Variants in GPC6 observed in about 807,000 individuals in gnomAD.
The protein encoded by GPC6 is glypican-6.
Under a neutral mutation model 55.2 loss-of-function variants are expected in GPC6, and 14 were observed. The ratio of observed to expected loss-of-function variants is 0.25; its 90% CI spans 0.17 to 0.40. The LOEUF is 0.40. Among genes scored for constraint, GPC6 ranks in the 10% least tolerant of loss-of-function variants. GPC6 has a pLI of 1.00. For synonymous variants in GPC6, 278 were observed against 259.6 expected (o/e 1.07, Z -0.68); for missense variants, 641 against 708.5 (o/e 0.90, Z 1.08).
At chr13:94,378,799 T>A (rs1880021800) in intron 6 of GPC6, among the ~76,000 whole-genome samples, 1 of 152,244 alleles carries the variant, frequency 6.6e-6, no homozygotes, top group African/African-American at 2.4e-5. Flanking sequence ...ACAGCATTAC[T>A]AATACAATAT....
intron 4 of GPC6, among the ~76,000 whole-genome samples, chr13:94,256,470 A>G (rs1378798333): frequency 4.6e-5 from 7 of 152,192 alleles, no homozygotes; most frequent in African/African-American, 1.7e-4. Context: ...GAACAGACCA[A>G]GAGCAAGGAG....
In GPC6 at chr13:93,334,349, A is replaced by G. The variant is rs530196035; in HGVS notation, c.160+106733A>G. On this transcript the variant is annotated intron_variant, in intron 1 of 8. Transcript: ENST00000377047. ...GGCCCTTTACTCTTCAATATACATC[A>G]TAGAATTGACTAATCAAAGTCCAAG... is the stretch of plus-strand genomic sequence containing the variant. 2.6e-5 allele frequency among the ~76,000 whole-genome samples: 4 copies of G among 152,230 alleles called. No individual in the cohort carries two copies. In the East Asian group the frequency reaches 7.7e-4, roughly 29 times the overall value.
At chr13:94,126,463 C>A (rs1391538590) in intron 4 of GPC6, among the ~76,000 whole-genome samples, 1 of 152,042 alleles carries the variant, frequency 6.6e-6, no homozygotes, top group Admixed American at 6.6e-5. Context: ...ACAGTACAAG[C>A]CTTTGTAAAA....
intron 2 of GPC6, among the ~76,000 whole-genome samples, chr13:93,716,278 C>T (rs1883253446): frequency 1.3e-5 from 2 of 151,548 alleles, no homozygotes; most frequent in Admixed American, 1.3e-4. Flanking sequence ...ATAAAAGTTA[C>T]TTGTGAAGCA....
At chr13:93,957,984 A>G (rs1482629056) in intron 3 of GPC6, among the ~76,000 whole-genome samples, 3 of 152,078 alleles carry the variant, frequency 2.0e-5, no homozygotes, top group Non-Finnish European at 2.9e-5. Context: ...CCATTTTTCC[A>G]TATGTTTGTT....
chr13:93,926,319 A>C (rs2140350049), intron 3 of GPC6, among the ~76,000 whole-genome samples: 1 of 152,208 alleles, frequency 6.6e-6, no homozygotes, highest in South Asian at 2.1e-4. Context: ...CCACACATAA[A>C]CCATTTATCT....
At chr13:93,249,113 A>G (rs759500475) in intron 1 of GPC6, among the ~76,000 whole-genome samples, 1 of 152,196 alleles carries the variant, frequency 6.6e-6, no homozygotes, top group Non-Finnish European at 1.5e-5. Flanking sequence ...TTTCAGATAA[A>G]TAGAAAGTAT....
intron 2 of GPC6, among the ~76,000 whole-genome samples, chr13:93,642,146 C>T (rs1879976551): frequency 6.6e-6 from 1 of 152,026 alleles, no homozygotes; most frequent in Non-Finnish European, 1.5e-5. Context: ...GCTCTTGCCT[C>T]CCTCCTTCTC....
chr13:93,788,518 T>TACACACACAC (rs71203703), intron 2 of GPC6, among the ~76,000 whole-genome samples: 38,144 of 147,738 alleles, frequency 0.26, 5,368 homozygotes, highest in East Asian at 0.37. Context: ...GTTCACTCTT[T>TACACACACAC]ACACACACAC....
chr13:94,085,120 G>A (rs985062781), intron 4 of GPC6, among the ~76,000 whole-genome samples: 4 of 151,740 alleles, frequency 2.6e-5, no homozygotes, highest in African/African-American at 9.7e-5. Context: ...TCAGGAGTTC[G>A]AGACCAGCCT....
chr13:94,295,173 T>C (rs146992933), intron 5 of GPC6, among the ~76,000 whole-genome samples: 1 of 152,116 alleles, frequency 6.6e-6, no homozygotes, highest in African/African-American at 2.4e-5. Flanking sequence ...TGTTGTGTGA[T>C]TTGGGGCAAA....
chr13:93,830,625 A>G (rs763832711), intron 3 of GPC6, 80 bp downstream of exon 3: 2 of 1,239,168 alleles, frequency 1.6e-6, no homozygotes, highest in East Asian at 5.1e-5. Context: ...AAAAAAAAAA[A>G]AAAAAAAAAA....
intron 2 of GPC6, among the ~76,000 whole-genome samples, chr13:93,658,132 A>G (rs1880764698): frequency 6.6e-6 from 1 of 151,980 alleles, no homozygotes; most frequent in African/African-American, 2.4e-5. Context: ...AAATATAATC[A>G]CTTTTACATT....
At chr13:94,037,663 A>T (rs1033180831) in intron 4 of GPC6, among the ~76,000 whole-genome samples, 2 of 151,952 alleles carry the variant, frequency 1.3e-5, no homozygotes, top group Admixed American at 6.6e-5. Flanking sequence ...GACCTGTTCA[A>T]GGTCATACAA....
At chr13:94,279,090 AT>A (rs1892296557) in intron 4 of GPC6, among the ~76,000 whole-genome samples, 1 of 152,098 alleles carries the variant, frequency 6.6e-6, no homozygotes, top group African/African-American at 2.4e-5. Flanking sequence ...TTGGTAGGCT[AT>A]TAATTACTGC....
intron 1 of GPC6, among the ~76,000 whole-genome samples, chr13:93,275,571 C>T (rs1877705088): frequency 6.6e-6 from 1 of 152,138 alleles, no homozygotes; most frequent in Non-Finnish European, 1.5e-5. Flanking sequence ...TTTCAGAGAT[C>T]AAGGTATAGG....
Position 93,242,969 on chromosome 13 carries a change from A to G in GPC6, c.160+15353A>G, listed in dbSNP as rs534814002. Among the ~76,000 whole-genome samples, 5 of 152,292 alleles carry G rather than the reference A, an allele frequency of 3.3e-5. No individual in the cohort carries two copies. In the East Asian group the frequency reaches 9.7e-4, roughly 30 times the overall value. ...GTCCCTGAGCAGAACAAAGTCTCGC[A>G]ATGGGTGCACACTCAGTATGGCACC... On this transcript the variant is annotated intron_variant, in intron 1 of 8. Transcript: ENST00000377047.
intron 1 of GPC6, among the ~76,000 whole-genome samples, chr13:93,337,299 A>G (rs1156918627): frequency 6.6e-6 from 1 of 152,222 alleles, no homozygotes; most frequent in East Asian, 1.9e-4. Flanking sequence ...AAGGTTTATT[A>G]TGAGATTCCC....
chr13:94,385,118 T>C (rs763490697), intron 7 of GPC6, among the ~76,000 whole-genome samples: 2 of 152,074 alleles, frequency 1.3e-5, no homozygotes, highest in Non-Finnish European at 2.9e-5. Context: ...CACATGCCTG[T>C]AGTCCCAGCT....
Sources: allele counts gnomAD v4.1 joint callset (sites outside exome capture counted in the v4.1 genomes callset), GRCh38; gene constraint gnomAD v4.1.1; transcripts MANE v1.5; gene names NCBI Gene and HGNC (gene_info 2026-07-23, HGNC 2026-07-21).